RAPGEF2: variants seen among roughly 807,000 people sequenced by gnomAD.
RAPGEF2 encodes Rap guanine nucleotide exchange factor 2, also known as PDZ domain containing guanine nucleotide exchange factor (GEF) 1.
A neutral mutation model predicts 186.7 loss-of-function variants in RAPGEF2; 54 were observed. The observed-to-expected ratio is 0.29, with a 90% CI of 0.23 to 0.36. RAPGEF2 has a LOEUF of 0.36. Ranked by LOEUF, RAPGEF2 falls within the 10% of genes least tolerant of loss-of-function variation. The probability of loss-of-function intolerance (pLI) is 1.00; values close to 1 mark genes in which losing one functional copy is unlikely to be tolerated. For missense variants in RAPGEF2, 1,532 were observed against 2,045.0 expected (o/e 0.75, Z 4.84); for synonymous variants, 712 against 705.9 (o/e 1.01, Z -0.14).
chr4:159,288,967 T>G (rs754012843), intron 7 of RAPGEF2, among the ~76,000 whole-genome samples: 2 of 152,188 alleles, frequency 1.3e-5, no homozygotes, highest in Non-Finnish European at 2.9e-5. Flanking sequence ...CAGTCTTAAA[T>G]AGTATCCTCT....
intron 11 of RAPGEF2, chr4:159,327,362 A>T (rs1035197358): frequency 2.0e-5 from 3 of 152,232 alleles, no homozygotes; most frequent in African/African-American, 7.2e-5. Context: ...AAACCTCAGT[A>T]AAGCAATTCA....
chr4:159,347,908 A>T (rs1220994247), intron 25 of RAPGEF2, among the ~76,000 whole-genome samples: 1 of 152,142 alleles, frequency 6.6e-6, no homozygotes, highest in Non-Finnish European at 1.5e-5. Flanking sequence ...CAGTTAATAA[A>T]AAACAAATTA....
chr4:159,344,033 C>T lies in RAPGEF2; in HGVS notation c.3255-3C>T, dbSNP rs753037194. The T allele has an allele frequency of 1.3e-6, 2 of 1,534,472 alleles. No homozygotes were observed. The highest frequency in any genetic ancestry group is 1.8e-6 in the Non-Finnish European group (2 of 1,107,620). ...CTTCAATCTCCATGGCTCTCACTTA[C>T]AGGAAGAAGAAATGGCGGAGTTTGG... On this transcript the variant is annotated splice_polypyrimidine_tract_variant and splice_region_variant and intron_variant, in intron 22 of 29. Transcript: ENST00000691494.
At position 159,354,048 on chromosome 4, in the gene RAPGEF2, T is replaced by C. The variant is rs1731597926; in HGVS notation, c.4651+2T>C. The C allele has an allele frequency of 8.4e-6, 13 of 1,555,158 alleles. No homozygotes were observed. The highest frequency in any genetic ancestry group is 1.1e-5 in the Non-Finnish European group (13 of 1,155,036). On this transcript the variant is annotated splice_donor_variant, in intron 28 of 29. Coordinates refer to ENST00000691494, the MANE Select transcript of RAPGEF2 (RefSeq NM_001394067.2). LOFTEE classifies it high-confidence loss of function. ...CAAGTACTACAAAGGGGCTCATTGG[T>C]AAGTTTTAAAATTGGGGGACTTTGT...
At chr4:159,148,442 G>C (rs1018845010) in intron 1 of RAPGEF2, among the ~76,000 whole-genome samples, 1 of 152,142 alleles carries the variant, frequency 6.6e-6, no homozygotes, top group African/African-American at 2.4e-5. Context: ...CCTTAATAAA[G>C]AGAAAGTCAA....
In RAPGEF2 at chr4:159,345,162, G is replaced by A; in HGVS notation, c.3335G>A (p.Gly1112Asp). ...GTGCTAGATGTTGCTCAGACAGGTG[G>A]TCATAAAAAGCGGGTACGTCGTAGT... is the stretch of plus-strand genomic sequence containing the variant. ...ATVLDVAQTG[G>D]HKKRVRRSSF... The change falls in exon 24 of 30, where the codon GGT (glycine) becomes GAT (aspartate). Residue 1112 changes from glycine to aspartate, a missense_variant. Gly to Asp is a moderately conservative substitution (Grantham distance 94). Transcript: ENST00000691494. The A allele has an allele frequency of 1.2e-6, 2 of 1,614,170 alleles. No individual in the cohort carries two copies. Among genetic ancestry groups the A allele is most frequent in the Non-Finnish European group, 8.5e-7 (1 of 1,180,006 alleles).
At chr4:159,121,241 G>C (rs1221594540) in intron 1 of RAPGEF2, among the ~76,000 whole-genome samples, 1 of 152,130 alleles carries the variant, frequency 6.6e-6, no homozygotes, top group African/African-American at 2.4e-5. Flanking sequence ...GAGAGTTTTA[G>C]ACTTGGTGGT....
In RAPGEF2 at chr4:159,339,369, C is replaced by T; in HGVS notation, c.2534+15C>T. ...CTGAGTGGAAGGTATATATTATCTACCTTACTGGATTTCTTTGTCCCCTCT... is the reference window on the plus strand; with the variant it reads ...CTGAGTGGAAGGTATATATTATCTATCTTACTGGATTTCTTTGTCCCCTCT... On this transcript the variant is annotated intron_variant, in intron 19 of 29. Coordinates refer to ENST00000691494, the MANE Select transcript of RAPGEF2 (RefSeq NM_001394067.2). 1 of 1,602,128 alleles carries T rather than the reference C, an allele frequency of 6.2e-7. No individual in the cohort carries two copies. Among genetic ancestry groups the T allele is most frequent in the South Asian group, 1.1e-5 (1 of 90,478 alleles).
intron 17 of RAPGEF2, among the ~76,000 whole-genome samples, chr4:159,335,207 C>CA (rs1282616125): frequency 1.3e-5 from 2 of 152,100 alleles, no homozygotes; most frequent in African/African-American, 4.8e-5. Context: ...GGGTGATGTG[C>CA]ATAGAGAGGA....
chr4:159,196,862 T>G (rs1425902340), intron 3 of RAPGEF2, among the ~76,000 whole-genome samples: 1 of 152,224 alleles, frequency 6.6e-6, no homozygotes, highest in East Asian at 1.9e-4. Flanking sequence ...CATTTTAGAT[T>G]GTATTGAGTT....
In RAPGEF2 at chr4:159,110,297, G is replaced by A. The variant is rs375641679; in HGVS notation, c.69+6066G>A. 2.6e-5 allele frequency among the ~76,000 whole-genome samples: 4 copies of A among 152,212 alleles called. No homozygotes were observed. The East Asian group carries it at 7.7e-4, about 29-fold the overall frequency. On this transcript the variant is annotated intron_variant, in intron 1 of 29. Transcript: ENST00000691494. The stretch of plus-strand genomic sequence containing the variant: ...TTTGAAATATCTGGTTAATCATATA[G>A]TTAAACTAGGCCAGGTGCTGTGGCT...
At chr4:159,210,447 T>G (rs989096247) in intron 3 of RAPGEF2, 53 bp from the exon 4 acceptor site, 1 of 1,265,922 alleles carries the variant, frequency 7.9e-7, no homozygotes. Context: ...GTTTTAATTT[T>G]TTGTTGTTGT....
intron 7 of RAPGEF2, among the ~76,000 whole-genome samples, chr4:159,253,460 C>G (rs1755723961): frequency 6.6e-6 from 1 of 152,100 alleles, no homozygotes; most frequent in South Asian, 2.1e-4. Flanking sequence ...AAAGAAAGGG[C>G]CTTAATTATT....
chr4:159,117,743 C>T (rs1409748577), intron 1 of RAPGEF2, among the ~76,000 whole-genome samples: 1 of 152,164 alleles, frequency 6.6e-6, no homozygotes, highest in African/African-American at 2.4e-5. Context: ...CAGGTTACTT[C>T]ACCTTAGTTT....
At chr4:159,129,771 G>A (rs1035575190) in intron 1 of RAPGEF2, among the ~76,000 whole-genome samples, 1 of 152,168 alleles carries the variant, frequency 6.6e-6, no homozygotes, top group African/African-American at 2.4e-5. Context: ...CTGGAAAGGG[G>A]TCCCAATCCG....
chr4:159,340,822 T>G, intron 19 of RAPGEF2, among the ~76,000 whole-genome samples: 1 of 150,716 alleles, frequency 6.6e-6, no homozygotes, highest in Admixed American at 6.6e-5. Flanking sequence ...CACGTGTGCG[T>G]GCAACAAACA....
At chr4:159,232,416 T>C (rs781096901) in intron 4 of RAPGEF2, among the ~76,000 whole-genome samples, 12 of 152,216 alleles carry the variant, frequency 7.9e-5, no homozygotes, top group Non-Finnish European at 1.3e-4. Context: ...TTGTCTTTAG[T>C]GGATGTTTTC....
At chr4:159,335,189 G>C (rs939079967) in intron 17 of RAPGEF2, among the ~76,000 whole-genome samples, 15 of 152,132 alleles carry the variant, frequency 9.9e-5, no homozygotes. Flanking sequence ...GGCAAGGTAG[G>C]CACAATCGGG....
At position 159,353,450 on chromosome 4, in the gene RAPGEF2, G is replaced by GTTTTT; in HGVS notation, c.4092-31_4092-27dup. 1.6e-6 allele frequency: 2 copies of GTTTTT among 1,257,642 alleles called. No homozygotes were observed. The highest frequency in any genetic ancestry group is 1.5e-5 in the African/African-American group (1 of 64,842). The allele number at this position is 1,257,642 out of a possible 1,614,324, so 77.9% of individuals were successfully genotyped here. On this transcript the variant is annotated intron_variant, in intron 27 of 29. Transcript: ENST00000691494. The surrounding 1 kb of genome is among the most constrained non-coding windows in gnomAD (Gnocchi z 4.3). ...CATAGGTGAATTAGTTATCAATCTT[G>GTTTTT]TTTTTTTTTTCTTTTCCATTTCTTT... is the stretch of plus-strand genomic sequence containing the variant.
Sources: allele counts gnomAD v4.1 joint callset (sites outside exome capture counted in the v4.1 genomes callset), GRCh38; gene constraint gnomAD v4.1.1; non-coding constraint Gnocchi (gnomAD v3.1); transcripts MANE v1.5; gene names NCBI Gene and HGNC (gene_info 2026-07-23, HGNC 2026-07-21).